Variants in PRRC2B observed in about 807,000 individuals in gnomAD.
The protein encoded by PRRC2B is proline rich coiled-coil 2B.
PRRC2B carries 68 observed loss-of-function variants against 242.3 expected under a neutral mutation model. The ratio of observed to expected loss-of-function variants is 0.28; its 90% CI spans 0.23 to 0.34. The LOEUF (loss-of-function observed/expected upper bound fraction) is 0.34. PRRC2B is among the 10% of genes least tolerant of loss of function. The pLI is 1.00. For missense variants in PRRC2B, 2,835 were observed against 2,954.8 expected (o/e 0.96, Z 0.94); for synonymous variants, 1,228 against 1,173.6 (o/e 1.05, Z -0.95).
At chr9:131,462,589 C>G (rs1318819956) in intron 11 of PRRC2B, among the ~76,000 whole-genome samples, 2 of 151,544 alleles carry the variant, frequency 1.3e-5, no homozygotes, top group Non-Finnish European at 2.9e-5. Flanking sequence ...CCTGTAATCC[C>G]AGCACTTTGG....
chr9:131,465,128 C>A (rs1341217190), intron 12 of PRRC2B, 50 bp downstream of exon 12: 6 of 1,528,394 alleles, frequency 3.9e-6, no homozygotes, highest in Non-Finnish European at 5.3e-6. Context: ...GCCTGTTGTC[C>A]TCGTCTTGTT....
rs1838791009 is a variant in PRRC2B, at chr9:131,446,084, AT to A, written c.614-316del. On this transcript the variant is annotated intron_variant, in intron 6 of 31. Coordinates refer to ENST00000683519, the MANE Select transcript of PRRC2B (RefSeq NM_013318.4). This position sits in a 1 kb window ranked among gnomAD's most constrained non-coding sequence, Gnocchi z 4.1. The stretch of plus-strand genomic sequence containing the variant: ...GAAGGAATGACCCAAGGCTGGTTTC[AT>A]CAGGGCCATCTTCATCTCTCTGGGT... Among the ~76,000 whole-genome samples, 2 of 152,124 alleles carry A rather than the reference AT, an allele frequency of 1.3e-5. No individual in the cohort carries two copies. Among genetic ancestry groups the A allele is most frequent in the Admixed American group, 6.6e-5 (1 of 15,256 alleles).
chr9:131,477,737 C>A lies in PRRC2B; in HGVS notation c.4407-7C>A. On this transcript the variant is annotated splice_region_variant and splice_polypyrimidine_tract_variant and intron_variant, in intron 16 of 31. Transcript: ENST00000683519. ...CTCTGGTTAACAAGATCCTCTTTCC[C>A]TTACAGATCCCCAGACGAGGCCTTG... 6.3e-7 allele frequency: 1 copy of A among 1,579,184 alleles called. No individual in the cohort carries two copies. The highest frequency in any genetic ancestry group is 1.7e-5 in the Admixed American group (1 of 59,620).
intron 13 of PRRC2B, among the ~76,000 whole-genome samples, chr9:131,468,340 G>A (rs1272871991): frequency 6.6e-6 from 1 of 152,228 alleles, no homozygotes; most frequent in Non-Finnish European, 1.5e-5. Context: ...ATTTCTTCAT[G>A]TGTAAACCAG....
In PRRC2B at chr9:131,473,731, T is replaced by C; in HGVS notation, c.2324+7T>C. ...CTATGGACATGCGTGTCAGGTGAGA[T>C]GAAGCCTGGTCCTGCTGCCTTGCCA... On this transcript the variant is annotated splice_region_variant and intron_variant, in intron 15 of 31. Transcript: ENST00000683519. 6.2e-7 allele frequency: 1 copy of C among 1,609,638 alleles called. No homozygotes were observed. The highest frequency in any genetic ancestry group is 8.5e-7 in the Non-Finnish European group (1 of 1,177,314).
intron 1 of PRRC2B, among the ~76,000 whole-genome samples, chr9:131,417,955 G>A (rs779190748): frequency 5.9e-5 from 9 of 152,212 alleles, no homozygotes; most frequent in Non-Finnish European, 1.3e-4. Context: ...ACAGAGCATG[G>A]TGAGGCCCAG....
intron 1 of PRRC2B, among the ~76,000 whole-genome samples, chr9:131,400,241 A>G (rs1006517903): frequency 6.6e-6 from 1 of 151,802 alleles, no homozygotes; most frequent in African/African-American, 2.4e-5. Context: ...ATGCGCCACC[A>G]TGCCTGACTA....
At chr9:131,492,406 A>G (rs1944221645) in intron 30 of PRRC2B, 146 bp downstream of exon 30, 3 of 622,074 alleles carry the variant, frequency 4.8e-6, no homozygotes, top group African/African-American at 3.7e-5. Context: ...GTGTTTCAGC[A>G]CTGGGATGCA....
At chr9:131,420,493 C>CTTTCTTTCTTTCTTTT in intron 1 of PRRC2B, among the ~76,000 whole-genome samples, 1 of 30,164 alleles carries the variant, frequency 3.3e-5, no homozygotes, top group Non-Finnish European at 6.4e-5. Context: ...TTCTTTCTTT[C>CTTTCTTTCTTTCTTTT]TTTTTTTTTT....
intron 1 of PRRC2B, among the ~76,000 whole-genome samples, chr9:131,378,715 T>G (rs1836717185): frequency 6.6e-6 from 1 of 152,046 alleles, no homozygotes; most frequent in Non-Finnish European, 1.5e-5. Flanking sequence ...TTTTGTTTTG[T>G]TTTTGTTTTT....
In PRRC2B at chr9:131,482,501, G is replaced by C; in HGVS notation, c.5114G>C (p.Gly1705Ala). ...AAGCCAGAGGAGATGAGCGGGCCCGGCCTGGCGGAACCCAAGGCCGACAGC... is the reference window on the plus strand; with the variant it reads ...AAGCCAGAGGAGATGAGCGGGCCCGCCCTGGCGGAACCCAAGGCCGACAGC... ...TLKPEEMSGP[G>A]LAEPKADSHK... The change falls in exon 21 of 32, where the codon GGC (glycine) becomes GCC (alanine). Residue 1705 changes from glycine to alanine, a missense_variant. Gly to Ala is a moderately conservative substitution (Grantham distance 60). Transcript: ENST00000683519. The surrounding 1 kb of genome is among the most constrained non-coding windows in gnomAD (Gnocchi z 5.2). The C allele has an allele frequency of 6.2e-7, 1 of 1,611,506 alleles. No homozygotes were observed. The highest frequency in any genetic ancestry group is 1.3e-5 in the African/African-American group (1 of 75,032).
rs780014390 is a variant in PRRC2B at position 131,474,783 on chromosome 9, G to C, written c.2654G>C (p.Gly885Ala). Residue 885 changes from glycine (G) to alanine (A), a missense_variant, in exon 16 of 32, where the codon GGT becomes GCT. Physicochemically the swap from Gly to Ala is moderately conservative, Grantham distance 60. This residue lies in a region of PRRC2B where 1,536 missense variants were observed against 1,483.1 expected (regional missense o/e 1.04). Coordinates refer to ENST00000683519, the MANE Select transcript of PRRC2B (RefSeq NM_013318.4). ...CCAGAGACCGCTGACACAGCCCATG[G>C]TGTTGAGCGGGAGACACCCCGGGAG... ...HQPETADTAH[G>A]VERETPREGT... 1.2e-6 allele frequency: 2 copies of C among 1,612,758 alleles called. No individual in the cohort carries two copies. Among genetic ancestry groups the C allele is most frequent in the East Asian group, 4.5e-5 (2 of 44,868 alleles).
chr9:131,458,875 C>T (rs1323810916), intron 10 of PRRC2B, among the ~76,000 whole-genome samples: 4 of 152,094 alleles, frequency 2.6e-5, no homozygotes, highest in African/African-American at 9.7e-5. Flanking sequence ...CATCCTGGGC[C>T]ACATGTGGTT....
In PRRC2B at chr9:131,481,706, C is replaced by T; in HGVS notation, c.4901-20C>T. ...CGGGTTGCTCTTTGATGCCCTGACT[C>T]TGTCTTCCTCCCCTGGCAGCTCTCC... On this transcript the variant is annotated intron_variant, in intron 19 of 31. Transcript: ENST00000683519. 1 of 1,551,208 alleles carries T rather than the reference C, an allele frequency of 6.4e-7. No homozygotes were observed. Among genetic ancestry groups the T allele is most frequent in the Non-Finnish European group, 8.7e-7 (1 of 1,146,066 alleles).
intron 4 of PRRC2B, 80 bp from the exon 5 acceptor site, chr9:131,438,909 C>T: frequency 8.8e-7 from 1 of 1,130,110 alleles, no homozygotes; most frequent in Non-Finnish European, 1.3e-6. Flanking sequence ...GCTGGCCTCT[C>T]AGCACCTTGT....
chr9:131,479,322 G>A lies in PRRC2B; in HGVS notation c.4829G>A (p.Cys1610Tyr). Residue 1610 changes from cysteine (C) to tyrosine (Y), a missense_variant, in exon 19 of 32, where the codon TGT becomes TAT. By Grantham distance (194) the Cys-to-Tyr change is radical. This residue lies in a region of PRRC2B where 1,536 missense variants were observed against 1,483.1 expected (regional missense o/e 1.04). Transcript: ENST00000683519. ...PRFAKKQNNL[C>Y]LEQGDVTVPG... The stretch of plus-strand genomic sequence containing the variant: ...TTTGCAAAAAAGCAGAACAACTTAT[G>A]TCTGGAGCAAGGTGACGTGACCGTG... 6.2e-7 allele frequency: 1 copy of A among 1,613,976 alleles called. No individual in the cohort carries two copies. The highest frequency in any genetic ancestry group is 8.5e-7 in the Non-Finnish European group (1 of 1,179,860).
chr9:131,441,765 GATAGGTCACCTGA>G (rs1838586375), intron 5 of PRRC2B, among the ~76,000 whole-genome samples: 1 of 152,162 alleles, frequency 6.6e-6, no homozygotes, highest in African/African-American at 2.4e-5. Context: ...AGACTCAGTT[GATAGGTCACCTGA>G]AACAGACCCA....
At chr9:131,461,505 C>T (rs1438254084) in intron 11 of PRRC2B, among the ~76,000 whole-genome samples, 1 of 152,158 alleles carries the variant, frequency 6.6e-6, no homozygotes, top group Non-Finnish European at 1.5e-5. Context: ...TTTGAATACA[C>T]TTGGTAAAGC....
At chr9:131,411,223 C>CTCCAT (rs989655817) in intron 1 of PRRC2B, among the ~76,000 whole-genome samples, 2 of 152,010 alleles carry the variant, frequency 1.3e-5, no homozygotes, top group Non-Finnish European at 2.9e-5. Flanking sequence ...CGCCACTGTA[C>CTCCAT]TCCAGCCTGG....
Sources: allele counts gnomAD v4.1 joint callset (sites outside exome capture counted in the v4.1 genomes callset), GRCh38; gene constraint gnomAD v4.1.1; regional missense constraint gnomAD v4.1.1; non-coding constraint Gnocchi (gnomAD v3.1); transcripts MANE v1.5; gene names NCBI Gene and HGNC (gene_info 2026-07-23, HGNC 2026-07-21).